NTAQ1: variants seen among roughly 807,000 people sequenced by gnomAD.
NTAQ1 encodes protein N-terminal glutamine amidohydrolase.
A neutral mutation model predicts 28.2 loss-of-function variants in NTAQ1; 21 were observed. The ratio of observed to expected loss-of-function variants is 0.74; its 90% CI spans 0.53 to 1.07. NTAQ1 has a LOEUF of 1.07. Ranked by LOEUF, NTAQ1 falls within the 50% of genes least tolerant of loss-of-function variation. NTAQ1 has a pLI of 0.00. For synonymous variants in NTAQ1, 105 were observed against 90.0 expected (o/e 1.17, Z -0.94); for missense variants, 264 against 256.6 (o/e 1.03, Z -0.20).
downstream of NTAQ1, among the ~76,000 whole-genome samples, chr8:123,473,068 G>A (rs756229576): frequency 8.6e-5 from 13 of 151,812 alleles, no homozygotes; most frequent in Non-Finnish European, 1.5e-4. Flanking sequence ...CAATCTCCTT[G>A]AGAGTTAGTT....
intron 6 of NTAQ1, among the ~76,000 whole-genome samples, chr8:123,463,301 T>C (rs79549763): frequency 0.021 from 3,175 of 152,276 alleles, 131 homozygotes; most frequent in African/African-American, 0.072. Flanking sequence ...TATTCAAACT[T>C]CTCCAGATAT....
rs73705917 is a variant in NTAQ1, at chr8:123,434,979, C to A, written c.235-1474C>A. On this transcript the variant is annotated intron_variant, in intron 3 of 5. Transcript: ENST00000287387. Reference sequence around the variant, plus strand: ...ACTCAGGCTTTTAAAGGCACAGCATCCCTAGTCTTAAGTATTGTTCTTACC... The same window carrying A: ...ACTCAGGCTTTTAAAGGCACAGCATACCTAGTCTTAAGTATTGTTCTTACC... Among the ~76,000 whole-genome samples the A allele has an allele frequency of 3.3e-3, 508 of 152,262 alleles. 7 individuals are homozygous for A. Among genetic ancestry groups the A allele is most frequent in the African/African-American group, 0.012 (486 of 41,562 alleles).
chr8:123,450,109 G>A (rs940006732), downstream of NTAQ1, among the ~76,000 whole-genome samples: 5 of 150,432 alleles, frequency 3.3e-5, no homozygotes, highest in Non-Finnish European at 5.9e-5. Flanking sequence ...GTGGATAGAG[G>A]AAAGGTCCAG....
intron 6 of NTAQ1, among the ~76,000 whole-genome samples, chr8:123,462,170 C>T (rs556925372): frequency 9.2e-5 from 14 of 152,130 alleles, no homozygotes; most frequent in Middle Eastern, 3.4e-3. Context: ...CTTAGCCTCC[C>T]GAGTAGCTGG....
downstream of NTAQ1, among the ~76,000 whole-genome samples, chr8:123,445,356 T>C (rs1397562312): frequency 6.6e-6 from 1 of 152,186 alleles, no homozygotes; most frequent in Non-Finnish European, 1.5e-5. Flanking sequence ...AAAATACATT[T>C]TACTTTTTAA....
At chr8:123,426,017 C>T (rs1404395345) in intron 1 of NTAQ1, among the ~76,000 whole-genome samples, 1 of 152,120 alleles carries the variant, frequency 6.6e-6, no homozygotes, top group Non-Finnish European at 1.5e-5. Context: ...GAGCGAGACT[C>T]CGTCCCCGCT....
downstream of NTAQ1, among the ~76,000 whole-genome samples, chr8:123,471,777 G>A (rs550854493): frequency 6.6e-6 from 1 of 152,100 alleles, no homozygotes; most frequent in African/African-American, 2.4e-5. Context: ...CCCACATTAG[G>A]GAGGGTAATC....
At chr8:123,455,948 C>G (rs1222080140) in intron 6 of NTAQ1, among the ~76,000 whole-genome samples, 2 of 152,166 alleles carry the variant, frequency 1.3e-5, no homozygotes, top group Admixed American at 1.3e-4. Context: ...AACTGTATCT[C>G]AGCCCATTCA....
chr8:123,428,011 T>C lies in NTAQ1; in HGVS notation c.171T>C (p.Asn57=). 5 of 1,603,914 alleles carry C rather than the reference T, an allele frequency of 3.1e-6. No homozygotes were observed. Among genetic ancestry groups the C allele is most frequent in the Non-Finnish European group, 2.6e-6 (3 of 1,175,800 alleles). ...AATGTTATGCTGTCTTCATATCTAATGAGAGGAAGATGGTAAGTTGGTGAG... is the reference window on the plus strand; with the variant it reads ...AATGTTATGCTGTCTTCATATCTAACGAGAGGAAGATGGTAAGTTGGTGAG... ...LEECYAVFIS[N]ERKMIPIWKQ... The change falls in exon 2 of 6, where the codon AAT becomes AAC. Residue 57 remains asparagine (N), a synonymous_variant. Transcript: ENST00000287387.
At chr8:123,416,956 CTGGGTCTCCCAG>C in intron 1 of NTAQ1, 24 bp downstream of exon 1, 1 of 1,447,874 alleles carries the variant, frequency 6.9e-7, no homozygotes, top group Non-Finnish European at 9.1e-7. Flanking sequence ...GGCGCAGCCT[CTGGGTCTCCCAG>C]GCTCCCGGGC....
At chr8:123,419,678 G>A (rs984961217) in intron 1 of NTAQ1, among the ~76,000 whole-genome samples, 9 of 151,292 alleles carry the variant, frequency 5.9e-5, no homozygotes, top group South Asian at 2.1e-4. Flanking sequence ...CCCCTGGAGT[G>A]TCCCAACCTT....
downstream of NTAQ1, among the ~76,000 whole-genome samples, chr8:123,449,919 GTATATA>G (rs1244362020): frequency 1.4e-5 from 1 of 71,164 alleles, no homozygotes; most frequent in Admixed American, 1.9e-4. Flanking sequence ...ATATGTGTGT[GTATATA>G]TATATGTGTG....
intron 1 of NTAQ1, among the ~76,000 whole-genome samples, chr8:123,422,035 T>A (rs1330238232): frequency 6.6e-6 from 1 of 152,030 alleles, no homozygotes; most frequent in Non-Finnish European, 1.5e-5. Context: ...AGGCTGGTCT[T>A]GAACTCCTGA....
chr8:123,456,269 T>C (rs1175151682), intron 6 of NTAQ1, among the ~76,000 whole-genome samples: 1 of 152,318 alleles, frequency 6.6e-6, no homozygotes, highest in Non-Finnish European at 1.5e-5. Context: ...AGAGAACTTA[T>C]ATATTGCAAG....
At chr8:123,429,255 T>C (rs1019583989) in intron 2 of NTAQ1, among the ~76,000 whole-genome samples, 2 of 152,222 alleles carry the variant, frequency 1.3e-5, no homozygotes. Flanking sequence ...AGATCCCTTT[T>C]CACTCTCCAA....
chr8:123,468,071 AAGG>A (rs1208490514), exon 7 of NTAQ1, among the ~76,000 whole-genome samples: 1 of 152,194 alleles, frequency 6.6e-6, no homozygotes, highest in Non-Finnish European at 1.5e-5. Context: ...AGGCCAGATC[AAGG>A]AGATGCCCAC....
rs758109891 is a variant in NTAQ1, at chr8:123,441,264, T to G, written c.509-42T>G. ...TTGTTTTATTGCTGTTAAACCAAAA[T>G]TGTGTTTTCAGTGGACATTTTTTTT... On this transcript the variant is annotated intron_variant, in intron 5 of 5. Transcript: ENST00000287387. 33 of 1,532,228 alleles carry G rather than the reference T, an allele frequency of 2.2e-5. No individual in the cohort carries two copies. In the South Asian group the frequency reaches 3.5e-4, roughly 16 times the overall value. The allele number at this position is 1,532,228 out of a possible 1,614,324, so 94.9% of individuals were successfully genotyped here. A position where few individuals can be genotyped will look rare whatever the true frequency, so the allele number is the denominator to read the frequency against.
chr8:123,475,072 C>G, the NTAQ1 span, among the ~76,000 whole-genome samples: 1 of 151,940 alleles, frequency 6.6e-6, no homozygotes, highest in African/African-American at 2.4e-5. Flanking sequence ...GAGAGTTATT[C>G]TCCTCCCTCA....
chr8:123,460,846 C>T (rs56253012), intron 6 of NTAQ1, among the ~76,000 whole-genome samples: 7,098 of 151,924 alleles, frequency 0.047, 551 homozygotes, highest in African/African-American at 0.16. Context: ...CTGAACGTTG[C>T]AAAGGAAGCA....
Sources: allele counts gnomAD v4.1 joint callset (sites outside exome capture counted in the v4.1 genomes callset), GRCh38; gene constraint gnomAD v4.1.1; transcripts MANE v1.5; gene names NCBI Gene and HGNC (gene_info 2026-07-23, HGNC 2026-07-21).